Variants in CAMTA1 observed in about 807,000 individuals in gnomAD.
The protein encoded by CAMTA1 is calmodulin binding transcription activator 1.
A neutral mutation model predicts 170.9 loss-of-function variants in CAMTA1; 27 were observed. That is an observed-to-expected ratio of 0.16 (90% confidence interval 0.12 to 0.22). CAMTA1 has a LOEUF of 0.22. CAMTA1 is among the 10% of genes least tolerant of loss of function. The probability of loss-of-function intolerance (pLI) is 1.00; values close to 1 mark genes in which losing one functional copy is unlikely to be tolerated. For synonymous variants in CAMTA1, 833 were observed against 891.5 expected, an observed-to-expected ratio of 0.93 and a Z score of 1.17; for missense variants, 1,619 against 2,217.2, an observed-to-expected ratio of 0.73 and a Z score of 5.42.
At chr1:7,712,880 G>A (rs568774114) in intron 11 of CAMTA1, among the ~76,000 whole-genome samples, 1 of 152,288 alleles carries the variant, frequency 6.6e-6, no homozygotes, top group South Asian at 2.1e-4. Flanking sequence ...GACGTGTGCA[G>A]GGGAATTGCC....
At position 7,592,602 on chromosome 1, in the gene CAMTA1, C is replaced by G. The variant is rs2095363609; in HGVS notation, c.511-47798C>G. Among the ~76,000 whole-genome samples the G allele has an allele frequency of 6.6e-6, 1 of 152,150 alleles. No individual in the cohort carries two copies. Among genetic ancestry groups the G allele is most frequent in the South Asian group, 2.1e-4 (1 of 4,820 alleles). On this transcript the variant is annotated intron_variant, in intron 6 of 22. Coordinates refer to ENST00000303635, the MANE Select transcript of CAMTA1 (RefSeq NM_015215.4). The surrounding 1 kb of genome is among the most constrained non-coding windows in gnomAD (Gnocchi z 4.6). ...TGGGAAAGACCTGCTGTCCTGCAAG[C>G]CACCTACCAGTGCGGAATGAGTGGG...
intron 4 of CAMTA1, among the ~76,000 whole-genome samples, chr1:7,225,100 T>C (rs1323806761): frequency 6.6e-6 from 1 of 151,926 alleles, no homozygotes; most frequent in East Asian, 1.9e-4. Flanking sequence ...TCTTTTTTTT[T>C]TTGAGATGGA....
At chr1:7,156,007 C>G (rs1170813967) in intron 4 of CAMTA1, among the ~76,000 whole-genome samples, 1 of 152,000 alleles carries the variant, frequency 6.6e-6, no homozygotes, top group African/African-American at 2.4e-5. Flanking sequence ...AATCTCAGCA[C>G]TTTGGGATGC....
chr1:7,763,800 A>G (rs2096995199), intron 22 of CAMTA1, among the ~76,000 whole-genome samples: 1 of 152,228 alleles, frequency 6.6e-6, no homozygotes, highest in African/African-American at 2.4e-5. Flanking sequence ...AATGTATAAC[A>G]TCGTCGTGTT....
At chr1:7,541,651 G>A (rs769777344) in intron 6 of CAMTA1, among the ~76,000 whole-genome samples, 7 of 152,102 alleles carry the variant, frequency 4.6e-5, no homozygotes, top group Non-Finnish European at 7.4e-5. Flanking sequence ...CATTTTCCCC[G>A]GCATGCACCA....
intron 6 of CAMTA1, among the ~76,000 whole-genome samples, chr1:7,524,315 A>G (rs1015763638): frequency 6.6e-6 from 1 of 152,038 alleles, no homozygotes; most frequent in Non-Finnish European, 1.5e-5. Flanking sequence ...AATGCAATCA[A>G]TTTTTCTGTG....
chr1:7,643,300 T>C (rs886790182), intron 7 of CAMTA1, among the ~76,000 whole-genome samples: 2 of 152,194 alleles, frequency 1.3e-5, no homozygotes, highest in Admixed American at 6.5e-5. Flanking sequence ...CCCATCCATA[T>C]GGCCGGGGAG....
chr1:6,867,325 G>A (rs1359180192), intron 3 of CAMTA1, among the ~76,000 whole-genome samples: 1 of 151,974 alleles, frequency 6.6e-6, no homozygotes, highest in Non-Finnish European at 1.5e-5. Context: ...TGTAGTTTTC[G>A]CTTTTTTTTT....
intron 3 of CAMTA1, among the ~76,000 whole-genome samples, chr1:6,881,144 G>A (rs1326267515): frequency 2.0e-5 from 3 of 152,100 alleles, no homozygotes; most frequent in African/African-American, 7.2e-5. Context: ...CAGGTCATTG[G>A]ACTCCAGATT....
chr1:7,232,410 C>T (rs559568694), intron 4 of CAMTA1, among the ~76,000 whole-genome samples: 9 of 152,320 alleles, frequency 5.9e-5, no homozygotes, highest in South Asian at 4.1e-4. Flanking sequence ...CGTCCGAGTG[C>T]GTTTTTATGT....
chr1:6,963,160 G>C (rs888232593), intron 3 of CAMTA1, among the ~76,000 whole-genome samples: 8 of 150,276 alleles, frequency 5.3e-5, no homozygotes, highest in Admixed American at 6.6e-5. Context: ...CAGCTCCTTG[G>C]CAGGCTCCAG....
intron 6 of CAMTA1, among the ~76,000 whole-genome samples, chr1:7,601,652 T>C (rs1342930532): frequency 6.6e-6 from 1 of 152,184 alleles, no homozygotes; most frequent in Non-Finnish European, 1.5e-5. Context: ...CTGGGCACCA[T>C]TGAGCACTGA....
At chr1:7,706,808 G>A (rs1186677119) in intron 11 of CAMTA1, among the ~76,000 whole-genome samples, 2 of 151,340 alleles carry the variant, frequency 1.3e-5, no homozygotes, top group Non-Finnish European at 2.9e-5. Flanking sequence ...TCATGTACTC[G>A]TTAATAACAG....
Position 6,910,645 on chromosome 1 carries a change from C to T in CAMTA1, c.234+85435C>T, listed in dbSNP as rs147104649. ...CCAACATGTCACTATCTGGGAAGGTCATTGTGTCCTTGCAGTCCATCTTGT... is the reference window on the plus strand; with the variant it reads ...CCAACATGTCACTATCTGGGAAGGTTATTGTGTCCTTGCAGTCCATCTTGT... On this transcript the variant is annotated intron_variant, in intron 3 of 22. Transcript: ENST00000303635. 5.9e-5 allele frequency among the ~76,000 whole-genome samples: 9 copies of T among 152,324 alleles called. No homozygotes were observed. The East Asian group carries it at 1.5e-3, about 26-fold the overall frequency.
intron 4 of CAMTA1, among the ~76,000 whole-genome samples, chr1:7,126,704 A>G (rs1644949369): frequency 6.6e-6 from 1 of 152,216 alleles, no homozygotes; most frequent in South Asian, 2.1e-4. Context: ...CATAGCTTGC[A>G]ACACCTATTT....
chr1:7,089,219 G>A (rs1641150313), intron 3 of CAMTA1, among the ~76,000 whole-genome samples: 1 of 152,164 alleles, frequency 6.6e-6, no homozygotes, highest in Non-Finnish European at 1.5e-5. Flanking sequence ...TGAGCTGATA[G>A]TCTCCCAGTT....
At chr1:7,366,924 T>C (rs2150020792) in intron 5 of CAMTA1, among the ~76,000 whole-genome samples, 1 of 152,318 alleles carries the variant, frequency 6.6e-6, no homozygotes. Context: ...CACAGGCACC[T>C]GGCGTCTGGT....
Position 7,534,841 on chromosome 1 carries a change from G to A in CAMTA1, c.510+66940G>A, listed in dbSNP as rs1230991557. Among the ~76,000 whole-genome samples the A allele has an allele frequency of 6.6e-6, 1 of 152,220 alleles. No homozygotes were observed. Among genetic ancestry groups the A allele is most frequent in the Admixed American group, 6.5e-5 (1 of 15,278 alleles). On this transcript the variant is annotated intron_variant, in intron 6 of 22. Coordinates refer to ENST00000303635, the MANE Select transcript of CAMTA1 (RefSeq NM_015215.4). This position sits in a 1 kb window ranked among gnomAD's most constrained non-coding sequence, Gnocchi z 5.6. ...GTGAGGTTTATGGCTTGTCCCTGAG[G>A]CTGCCTTGGGGCCAGAGGAAGTGGG...
chr1:7,170,683 A>G (rs1215137445), intron 4 of CAMTA1, among the ~76,000 whole-genome samples: 1 of 152,162 alleles, frequency 6.6e-6, no homozygotes, highest in East Asian at 1.9e-4. Context: ...CATGGTGTAT[A>G]TGTGCCACAT....
Sources: allele counts gnomAD v4.1 joint callset (sites outside exome capture counted in the v4.1 genomes callset), GRCh38; gene constraint gnomAD v4.1.1; non-coding constraint Gnocchi (gnomAD v3.1); transcripts MANE v1.5; gene names NCBI Gene and HGNC (gene_info 2026-07-23, HGNC 2026-07-21).